USO1: variants seen among roughly 807,000 people sequenced by gnomAD.
USO1 encodes the protein general vesicular transport factor p115.
USO1 carries 57 observed loss-of-function variants against 124.5 expected under a neutral mutation model. That is an observed-to-expected ratio of 0.46 (90% CI 0.37 to 0.57). The LOEUF is 0.57. Ranked by LOEUF, USO1 falls within the 20% of genes least tolerant of loss-of-function variation. The pLI is 0.00. For synonymous variants in USO1, 369 were observed against 362.8 expected, an observed-to-expected ratio of 1.02 and a Z score of -0.19; for missense variants, 900 against 1,040.6, an observed-to-expected ratio of 0.86 and a Z score of 1.86.
In USO1 at chr4:75,741,439, A is replaced by G. The variant is rs1720956276; in HGVS notation, c.67-10934A>G. ...TTTTTAAAATTTTCTTCAGTAATTG[A>G]CCTTAGTTTACTATAACTTTTTAAC... On this transcript the variant is annotated intron_variant, in intron 1 of 23. Transcript: ENST00000514213. Among the ~76,000 whole-genome samples the G allele has an allele frequency of 2.0e-5, 3 of 152,218 alleles. No individual in the cohort carries two copies. The South Asian group carries it at 6.2e-4, about 32-fold the overall frequency.
At chr4:75,737,814 T>C (rs1200303771) in intron 1 of USO1, among the ~76,000 whole-genome samples, 1 of 151,484 alleles carries the variant, frequency 6.6e-6, no homozygotes, top group Non-Finnish European at 1.5e-5. Context: ...GTAAATATAA[T>C]ACATTATTAT....
chr4:75,808,333 TA>T (rs1236048760), intron 20 of USO1, among the ~76,000 whole-genome samples: 2 of 152,188 alleles, frequency 1.3e-5, no homozygotes, highest in Non-Finnish European at 2.9e-5. Flanking sequence ...AGCCACATAA[TA>T]AACCTCAAGT....
chr4:75,755,590 C>A, intron 3 of USO1: 1 of 474,992 alleles, frequency 2.1e-6, no homozygotes, highest in Non-Finnish European at 4.2e-6. Context: ...ACAGTTAGGA[C>A]CTTTTTTCTT....
At chr4:75,758,529 TCTG>T (rs1446858266) in intron 4 of USO1, among the ~76,000 whole-genome samples, 2 of 152,200 alleles carry the variant, frequency 1.3e-5, no homozygotes, top group Non-Finnish European at 2.9e-5. Context: ...ATTGAGAACA[TCTG>T]AAACTGGATC....
chr4:75,791,155 A>G (rs1023346631), intron 12 of USO1, among the ~76,000 whole-genome samples: 1 of 152,238 alleles, frequency 6.6e-6, no homozygotes, highest in Non-Finnish European at 1.5e-5. Flanking sequence ...TACATTACAT[A>G]AAGTACTCAC....
chr4:75,729,906 A>G (rs1472745227), intron 1 of USO1: 1 of 399,112 alleles, frequency 2.5e-6, no homozygotes, highest in East Asian at 7.9e-5. Flanking sequence ...TTGTTATTAA[A>G]GAGTGTGGAC....
intron 4 of USO1, among the ~76,000 whole-genome samples, chr4:75,763,736 A>G (rs1488783513): frequency 2.0e-5 from 3 of 152,280 alleles, no homozygotes; most frequent in East Asian, 3.9e-4. Context: ...TATATAAACT[A>G]TAGGCTATAA....
intron 13 of USO1, chr4:75,795,255 A>C (rs1265482422): frequency 1.4e-6 from 1 of 694,998 alleles, no homozygotes; most frequent in Non-Finnish European, 2.6e-6. Flanking sequence ...GACTATGAAA[A>C]AGTATTTGAG....
At chr4:75,745,668 G>T (rs189509831) in intron 1 of USO1, among the ~76,000 whole-genome samples, 1 of 152,320 alleles carries the variant, frequency 6.6e-6, no homozygotes, top group East Asian at 1.9e-4. Context: ...GGGAGGCTGA[G>T]GTTGGTGGAT....
intron 1 of USO1, 112 bp from the exon 2 acceptor site, chr4:75,752,261 C>A (rs1442252226): frequency 1.1e-4 from 43 of 395,498 alleles, no homozygotes; most frequent in Non-Finnish European, 1.8e-4. Flanking sequence ...AAGACCATTT[C>A]TGTTACATCC....
intron 9 of USO1, among the ~76,000 whole-genome samples, chr4:75,785,404 C>T (rs1722332144): frequency 6.6e-6 from 1 of 151,996 alleles, no homozygotes; most frequent in African/African-American, 2.4e-5. Context: ...TTTATCCCTG[C>T]AGGAGTCTCT....
At chr4:75,768,479 AT>A (rs1721832307) in intron 4 of USO1, among the ~76,000 whole-genome samples, 1 of 152,226 alleles carries the variant, frequency 6.6e-6, no homozygotes, top group Non-Finnish European at 1.5e-5. Context: ...AATTTTGTGT[AT>A]GACCTTTTAT....
chr4:75,746,849 A>AAAT (rs1308666793), intron 1 of USO1, among the ~76,000 whole-genome samples: 1 of 152,208 alleles, frequency 6.6e-6, no homozygotes, highest in Non-Finnish European at 1.5e-5. Flanking sequence ...GCTCAGTAGC[A>AAAT]AATTTAAATC....
rs564718893 is a variant in USO1, at chr4:75,759,376, T to C, written c.295+1803T>C. ...TGGGAGGCCGAGGCGGGTGGATCAC[T>C]TGAGGTCAGGAGTTCGAGACCAGCC... On this transcript the variant is annotated intron_variant, in intron 4 of 23. Transcript: ENST00000514213. Among the ~76,000 whole-genome samples the C allele has an allele frequency of 2.7e-3, 386 of 144,812 alleles. 1 individual carries two copies. The highest frequency in any genetic ancestry group is 9.5e-3 in the African/African-American group (375 of 39,616).
intron 9 of USO1, among the ~76,000 whole-genome samples, 199 bp from the exon 10 acceptor site, chr4:75,786,863 A>G (rs1008260270): frequency 2.0e-5 from 3 of 152,154 alleles, no homozygotes; most frequent in Admixed American, 6.5e-5. Context: ...GAAGAAGACA[A>G]CCTTAAGTTT....
At chr4:75,797,059 T>TA (rs1278671113) in intron 13 of USO1, among the ~76,000 whole-genome samples, 1 of 152,028 alleles carries the variant, frequency 6.6e-6, no homozygotes, top group East Asian at 1.9e-4. Flanking sequence ...ACCTATATGT[T>TA]AACACTTTGG....
intron 8 of USO1, among the ~76,000 whole-genome samples, chr4:75,777,525 GA>G (rs1560450415): frequency 6.6e-6 from 1 of 152,098 alleles, no homozygotes; most frequent in African/African-American, 2.4e-5. Flanking sequence ...TTTAAAGATA[GA>G]CAAATGATCT....
chr4:75,792,531 C>CTT (rs1722561484), intron 12 of USO1, among the ~76,000 whole-genome samples: 1 of 151,252 alleles, frequency 6.6e-6, no homozygotes, highest in Admixed American at 6.6e-5. Context: ...GAGTGAGACT[C>CTT]TATCTCAAAA....
At chr4:75,791,994 CATCCCAA>C (rs1722545199) in intron 12 of USO1, among the ~76,000 whole-genome samples, 1 of 150,512 alleles carries the variant, frequency 6.6e-6, no homozygotes, top group African/African-American at 2.4e-5. Context: ...ACAAGTTGAG[CATCCCAA>C]ATCTGAAATC....
Sources: allele counts gnomAD v4.1 joint callset (sites outside exome capture counted in the v4.1 genomes callset), GRCh38; gene constraint gnomAD v4.1.1; transcripts MANE v1.5; gene names NCBI Gene and HGNC (gene_info 2026-07-23, HGNC 2026-07-21).